DHX38: variants seen among roughly 807,000 people sequenced by gnomAD.
DHX38 encodes DEAH-box helicase 38.
Under a neutral mutation model 153.1 loss-of-function variants are expected in DHX38, and 100 were observed. That is an observed-to-expected ratio of 0.65 (90% CI 0.56 to 0.77). The LOEUF is 0.77. Among genes scored for constraint, DHX38 ranks in the 30% least tolerant of loss-of-function variants. DHX38 has a pLI of 0.00. For missense variants in DHX38, 1,440 were observed against 1,654.0 expected (o/e 0.87, Z 2.24); for synonymous variants, 650 against 631.7 (o/e 1.03, Z -0.43).
chr16:72,108,063 AC>A (rs1555539398), intron 21 of DHX38, among the ~76,000 whole-genome samples, 163 bp from the exon 22 acceptor site: 1 of 151,986 alleles, frequency 6.6e-6, no homozygotes, highest in Non-Finnish European at 1.5e-5. Flanking sequence ...TTTAGAGTAG[AC>A]CTTTTTAAAA....
rs2042137854 is a variant in DHX38, at chr16:72,104,059, C to T, written c.1938C>T (p.Tyr646=). Residue 646 remains tyrosine (Y), a synonymous_variant, in exon 14 of 27, where the codon TAC becomes TAT. Coordinates refer to ENST00000268482, the MANE Select transcript of DHX38 (RefSeq NM_014003.4). This position sits in a 1 kb window ranked among gnomAD's most constrained non-coding sequence, Gnocchi z 4.5. The part of the protein sequence containing the change: ...ESLREADLDH[Y]SAIIMDEAHE... ...TCCGGGAAGCCGACCTGGATCACTACAGTGCCATCATCATGGACGAGGCCC... is the reference window on the plus strand; with the variant it reads ...TCCGGGAAGCCGACCTGGATCACTATAGTGCCATCATCATGGACGAGGCCC... 1 of 1,614,202 alleles carries T rather than the reference C, an allele frequency of 6.2e-7. No individual in the cohort carries two copies. Among genetic ancestry groups the T allele is most frequent in the African/African-American group, 1.3e-5 (1 of 75,048 alleles).
At position 72,107,815 on chromosome 16, in the gene DHX38, G is replaced by C. The variant is rs371065279; in HGVS notation, c.2964+16G>C. ...CAGGCCCAAGGTGGGGCAGCGGCTG[G>C]CTCCCCTCTCCCCGGAGGGCTCGAG... On this transcript the variant is annotated intron_variant, in intron 21 of 26. Transcript: ENST00000268482. The surrounding 1 kb of genome is among the most constrained non-coding windows in gnomAD (Gnocchi z 5.3). 1.9e-5 allele frequency: 31 copies of C among 1,611,256 alleles called. No homozygotes were observed. The African/African-American group carries it at 3.6e-4, about 19-fold the overall frequency.
At chr16:72,112,268 G>A (rs2042266490) in intron 26 of DHX38, 145 bp from the exon 27 acceptor site, 1 of 714,738 alleles carries the variant, frequency 1.4e-6, no homozygotes, top group Non-Finnish European at 2.4e-6. Context: ...GCAGAGGAGT[G>A]AGAATGTGCC....
chr16:72,109,498 C>T lies in DHX38; in HGVS notation c.3465C>T (p.Gly1155=). The T allele has an allele frequency of 6.2e-7, 1 of 1,611,424 alleles. No individual in the cohort carries two copies. The highest frequency in any genetic ancestry group is 1.1e-5 in the South Asian group (1 of 90,628). Residue 1155 remains glycine, a synonymous_variant, in exon 25 of 27, where the codon GGC becomes GGT. Transcript: ENST00000268482. ...GPMFYSVKQA[G]KSRQENRRRA... ...TGTTCTATAGCGTGAAACAGGCGGG[C>T]AAGTCACGGCAGGTGAGGATTCTGT...
At chr16:72,103,287 C>G (rs936201912) in intron 12 of DHX38, 76 bp downstream of exon 12, 32 of 1,548,994 alleles carry the variant, frequency 2.1e-5, no homozygotes, top group Non-Finnish European at 2.5e-5. Context: ...CCCAGGAGCT[C>G]TTTTTCTTTT....
intron 24 of DHX38, among the ~76,000 whole-genome samples, chr16:72,109,206 A>AG (rs1173891863): frequency 9.9e-5 from 15 of 152,088 alleles, no homozygotes; most frequent in African/African-American, 2.7e-4. Context: ...GGATTTTCGG[A>AG]GGGGTTGGGC....
Position 72,097,665 on chromosome 16 carries a change from G to T in DHX38, c.512-12G>T, listed in dbSNP as rs2042039632. 6.2e-7 allele frequency: 1 copy of T among 1,612,900 alleles called. No individual in the cohort carries two copies. Among genetic ancestry groups the T allele is most frequent in the African/African-American group, 1.3e-5 (1 of 74,904 alleles). ...GGATGCATGTTTTTAAGCTTCGTGT[G>T]ACTCTTCATAGATGAGCGGGATAGA... On this transcript the variant is annotated splice_polypyrimidine_tract_variant and intron_variant, in intron 3 of 26. Transcript: ENST00000268482.
rs752923486 is a variant in DHX38, at chr16:72,108,545, G to A, written c.3193G>A (p.Asp1065Asn). The stretch of plus-strand genomic sequence containing the variant: ...GATGAGCCTGGCCTCGTGTGGCACT[G>A]ACTGGGACATCGTCAGGAAGTGCAT... ...QRMSLASCGT[D>N]WDIVRKCICA... The change falls in exon 23 of 27, where the codon GAC (aspartate) becomes AAC (asparagine). Residue 1065 changes from aspartate (D) to asparagine (N), a missense_variant. This residue lies in a region of DHX38 where 543 missense variants were observed against 717.9 expected (regional missense o/e 0.76). Transcript: ENST00000268482. 1.2e-6 allele frequency: 2 copies of A among 1,614,196 alleles called. No individual in the cohort carries two copies. Among genetic ancestry groups the A allele is most frequent in the Non-Finnish European group, 1.7e-6 (2 of 1,180,048 alleles).
In DHX38 at chr16:72,106,097, G is replaced by A. The variant is rs527396907; in HGVS notation, c.2580G>A (p.Thr860=). 6.8e-6 allele frequency: 11 copies of A among 1,614,180 alleles called. No homozygotes were observed. The highest frequency in any genetic ancestry group is 2.7e-5 in the African/African-American group (2 of 75,078). ...AGCGGTCAGGGCGAGCCGGCAGGAC[G>A]GGCCCAGGTCAGTGTTTCAGGTAGG... ...ANQRSGRAGR[T]GPGQCFRLYT... The change falls in exon 19 of 27, where the codon ACG becomes ACA. Residue 860 remains threonine, a synonymous_variant. Transcript: ENST00000268482.
intron 22 of DHX38, 25 bp downstream of exon 22, chr16:72,108,407 T>G (rs2144173135): frequency 5.0e-6 from 8 of 1,613,860 alleles, no homozygotes; most frequent in Non-Finnish European, 6.8e-6. Flanking sequence ...GAGCAGGATG[T>G]TGGGATGAGG....
chr16:72,105,492 T>G, intron 17 of DHX38, 25 bp from the exon 18 acceptor site: 1 of 1,613,804 alleles, frequency 6.2e-7, no homozygotes. Flanking sequence ...GACTCATTTT[T>G]CCCTTCCTGT....
In DHX38 at chr16:72,097,765, A is replaced by G. The variant is rs1265421227; in HGVS notation, c.600A>G (p.Pro200=). The G allele has an allele frequency of 8.7e-6, 14 of 1,613,782 alleles. No homozygotes were observed. The highest frequency in any genetic ancestry group is 9.3e-6 in the Non-Finnish European group (11 of 1,179,804). ...RSSRRNEPES[P]RHRPKDAATP... ...GCAGAAGAAATGAACCCGAGAGCCC[A>G]CGACATCGACCTAAAGGTAGACTCA... is the stretch of plus-strand genomic sequence containing the variant. The change falls in exon 4 of 27, where the codon CCA becomes CCG. Residue 200 remains proline (P), a synonymous_variant. Transcript: ENST00000268482.
In DHX38 at chr16:72,097,715, C is replaced by A; in HGVS notation, c.550C>A (p.Arg184=). ...DRSRHSSRSE[R]DGGSERSSRR... ...AAGTAGGCACAGCAGCAGATCAGAG[C>A]GAGATGGAGGGTCAGAGCGTAGCAG... The change falls in exon 4 of 27, where the codon CGA becomes AGA. Residue 184 remains arginine (R), a synonymous_variant. Coordinates refer to ENST00000268482, the MANE Select transcript of DHX38 (RefSeq NM_014003.4). 6.2e-7 allele frequency: 1 copy of A among 1,614,034 alleles called. No homozygotes were observed. Among genetic ancestry groups the A allele is most frequent in the Non-Finnish European group, 8.5e-7 (1 of 1,179,972 alleles).
Position 72,103,538 on chromosome 16 carries a change from C to T in DHX38, c.1638-64C>T. On this transcript the variant is annotated intron_variant, in intron 12 of 26. Transcript: ENST00000268482. ...TGGGGATAGGAGGTAGCGGAGTCTT[C>T]TTGGAGGCTGGGTGTTGGCCTTCCA... The T allele has an allele frequency of 5.1e-6, 8 of 1,555,734 alleles. No individual in the cohort carries two copies. The South Asian group carries it at 5.9e-5, about 12-fold the overall frequency.
At position 72,104,080 on chromosome 16, in the gene DHX38, G is replaced by A; in HGVS notation, c.1959G>A (p.Glu653=). 1 of 1,614,172 alleles carries A rather than the reference G, an allele frequency of 6.2e-7. No individual in the cohort carries two copies. The highest frequency in any genetic ancestry group is 8.5e-7 in the Non-Finnish European group (1 of 1,180,050). The change falls in exon 14 of 27, where the codon GAG becomes GAA. Residue 653 remains glutamate (E), a synonymous_variant. Coordinates refer to ENST00000268482, the MANE Select transcript of DHX38 (RefSeq NM_014003.4). This position sits in a 1 kb window ranked among gnomAD's most constrained non-coding sequence, Gnocchi z 4.5. ...LDHYSAIIMD[E]AHERSLNTDV... ...ACTACAGTGCCATCATCATGGACGA[G>A]GCCCACGAGCGCTCCCTCAACACTG...
In DHX38 at chr16:72,098,947, C is replaced by G. The variant is rs761037766; in HGVS notation, c.785C>G (p.Ser262Trp). The change falls in exon 6 of 27, where the codon TCG (serine) becomes TGG (tryptophan). Residue 262 changes from serine (S) to tryptophan (W), a missense_variant. Around this residue, in one of 6 missense-constraint regions of DHX38, gnomAD observed 483 missense variants for 465.1 expected, o/e 1.04. Transcript: ENST00000268482. ...DRDRSVRGKY[S>W]DDTPLPTPSY... ...CCCAGGTCTGTGAGGGGCAAGTACTCGGATGACACGCCTCTGCCAACTCCC... is the reference window on the plus strand; with the variant it reads ...CCCAGGTCTGTGAGGGGCAAGTACTGGGATGACACGCCTCTGCCAACTCCC... 6.2e-7 allele frequency: 1 copy of G among 1,614,028 alleles called. No homozygotes were observed. Among genetic ancestry groups the G allele is most frequent in the Non-Finnish European group, 8.5e-7 (1 of 1,180,048 alleles).
Position 72,108,399 on chromosome 16 carries a change from G to A in DHX38, c.3120+17G>A. On this transcript the variant is annotated intron_variant, in intron 22 of 26. Transcript: ENST00000268482. Reference sequence around the variant, plus strand: ...ATGCGGAAGGTAGAGTGGTGGATGAGCAGGATGTTGGGATGAGGGGAGGGT... The same window carrying A: ...ATGCGGAAGGTAGAGTGGTGGATGAACAGGATGTTGGGATGAGGGGAGGGT... 1 of 1,614,080 alleles carries A rather than the reference G, an allele frequency of 6.2e-7. No homozygotes were observed. The highest frequency in any genetic ancestry group is 1.7e-5 in the Admixed American group (1 of 60,034).
intron 11 of DHX38, among the ~76,000 whole-genome samples, chr16:72,102,038 G>T (rs1597442874): frequency 1.3e-5 from 2 of 152,138 alleles, no homozygotes; most frequent in South Asian, 2.1e-4. Context: ...TTTAAAAGAG[G>T]TTCCAAAATA....
At chr16:72,096,524 G>A in intron 2 of DHX38, 44 bp downstream of exon 2, 1 of 1,531,450 alleles carries the variant, frequency 6.5e-7, no homozygotes, top group Middle Eastern at 1.9e-4. Context: ...AGCGAACGGA[G>A]GCTGGAAAAT....
Sources: gnomAD v4.1 joint callset for allele counts (sites outside exome capture counted in the v4.1 genomes callset) on GRCh38, gnomAD v4.1.1 for gene constraint, gnomAD v4.1.1 regional missense constraint, Gnocchi (gnomAD v3.1) non-coding constraint, MANE v1.5 for transcripts, NCBI Gene and HGNC (gene_info 2026-07-23, HGNC 2026-07-21) for gene names.